DDX27: variants seen among roughly 807,000 people sequenced by gnomAD.
DDX27 encodes the protein DEAD-box helicase 27.
A neutral mutation model predicts 99.3 loss-of-function variants in DDX27; 42 were observed. The ratio of observed to expected loss-of-function variants is 0.42; its 90% CI spans 0.33 to 0.55. The LOEUF (loss-of-function observed/expected upper bound fraction) is 0.55, where lower values mean the gene tolerates loss of function less well. Ranked by LOEUF, DDX27 falls within the 20% of genes least tolerant of loss-of-function variation. DDX27 has a pLI of 0.07. For missense variants in DDX27, 798 were observed against 976.8 expected, an observed-to-expected ratio of 0.82 and a Z score of 2.44; for synonymous variants, 329 against 353.8, an observed-to-expected ratio of 0.93 and a Z score of 0.79.
At chr20:49,235,180 C>A in intron 12 of DDX27, 92 bp downstream of exon 12, 1 of 1,402,274 alleles carries the variant, frequency 7.1e-7, no homozygotes, top group Admixed American at 2.6e-5. Flanking sequence ...TCTATTAGAA[C>A]ATTAGCAGGG....
At chr20:49,222,407 T>C (rs1047028401) in intron 2 of DDX27, among the ~76,000 whole-genome samples, 1 of 152,166 alleles carries the variant, frequency 6.6e-6, no homozygotes, top group Non-Finnish European at 1.5e-5. Flanking sequence ...CCTCCTGGGT[T>C]CAAGCGATTC....
Position 49,242,613 on chromosome 20 carries a change from G to C in DDX27, c.2136G>C (p.Gly712=). The C allele has an allele frequency of 6.2e-7, 1 of 1,614,166 alleles. No individual in the cohort carries two copies. The highest frequency in any genetic ancestry group is 8.5e-7 in the Non-Finnish European group (1 of 1,180,032). The change falls in exon 19 of 21, where the codon GGG becomes GGC. Residue 712 remains glycine, a synonymous_variant. Transcript: ENST00000618172. ...GCACAGCCAAGAAGCAAAAGCAGGG[G>C]AAGAAATCTGTATTTGATGAAGAAC... The part of the protein sequence containing the change: ...VRGPAKKQKQ[G]KKSVFDEELT...
At chr20:49,222,671 C>T (rs1480717706) in intron 2 of DDX27, among the ~76,000 whole-genome samples, 1 of 151,758 alleles carries the variant, frequency 6.6e-6, no homozygotes, top group Non-Finnish European at 1.5e-5. Context: ...TGCACCACCA[C>T]ACCCGGCTAA....
chr20:49,224,546 A>G (rs1426670591), intron 4 of DDX27, among the ~76,000 whole-genome samples: 3 of 152,074 alleles, frequency 2.0e-5, no homozygotes, highest in Non-Finnish European at 2.9e-5. Flanking sequence ...TATTTTTAGT[A>G]GAGATGGGGT....
At chr20:49,221,627 G>T (rs373775534) in intron 2 of DDX27, 29 bp downstream of exon 2, 16 of 1,555,150 alleles carry the variant, frequency 1.0e-5, no homozygotes, top group Non-Finnish European at 1.3e-5. Context: ...GACAGCTCCA[G>T]ACTTTGGGCT....
intron 9 of DDX27, among the ~76,000 whole-genome samples, chr20:49,231,956 C>T (rs1400243948): frequency 1.3e-5 from 2 of 150,652 alleles, no homozygotes; most frequent in Admixed American, 1.3e-4. Context: ...TGAACACCAG[C>T]TCATTGCAGC....
chr20:49,223,623 G>A (rs1979774291), intron 4 of DDX27, among the ~76,000 whole-genome samples, 190 bp downstream of exon 4: 1 of 146,598 alleles, frequency 6.8e-6, no homozygotes, highest in East Asian at 2.0e-4. Context: ...GCTCATGCCT[G>A]TAATCCCAGT....
chr20:49,239,975 A>T lies in DDX27; in HGVS notation c.1897+637A>T, dbSNP rs77549674. Among the ~76,000 whole-genome samples, 1,319 of 152,334 alleles carry T rather than the reference A, an allele frequency of 8.7e-3. 14 individuals carry two copies. The highest frequency in any genetic ancestry group is 0.03 in the African/African-American group (1,241 of 41,574). ...ATAATCCAGACACAAAGGGACAAAT[A>T]CTGTCTGATTTCACTTACCTGAGAT... On this transcript the variant is annotated intron_variant, in intron 16 of 20. Coordinates refer to ENST00000618172, the MANE Select transcript of DDX27 (RefSeq NM_017895.8).
intron 14 of DDX27, chr20:49,237,839 A>C (rs1980354593): frequency 6.5e-6 from 1 of 152,696 alleles, no homozygotes; most frequent in Non-Finnish European, 1.5e-5. Context: ...AAAGGTCAGG[A>C]GGCTCAGGCG....
Position 49,236,981 on chromosome 20 carries a change from G to T in DDX27, c.1687+471G>T, listed in dbSNP as rs571917406. 6.6e-6 allele frequency among the ~76,000 whole-genome samples: 1 copy of T among 151,978 alleles called. No homozygotes were observed. On this transcript the variant is annotated intron_variant, in intron 14 of 20. Transcript: ENST00000618172. The surrounding 1 kb of genome is among the most constrained non-coding windows in gnomAD (Gnocchi z 4.1). Reference sequence around the variant, plus strand: ...CCCACCTTCTGCCTCCCAAAGTGCCGGGATTAACAGTAATGAGCCACCATG... The same window carrying T: ...CCCACCTTCTGCCTCCCAAAGTGCCTGGATTAACAGTAATGAGCCACCATG...
chr20:49,228,585 A>C (rs1979983583), intron 7 of DDX27, 130 bp from the exon 8 acceptor site: 1 of 1,010,920 alleles, frequency 9.9e-7, no homozygotes, highest in Non-Finnish European at 1.4e-6. Flanking sequence ...AAAGCAGAAA[A>C]AATATTCTAT....
At chr20:49,227,461 T>C (rs991760970) in intron 7 of DDX27, among the ~76,000 whole-genome samples, 2 of 150,528 alleles carry the variant, frequency 1.3e-5, no homozygotes, top group Admixed American at 1.3e-4. Flanking sequence ...CTGCCTCCTG[T>C]GTTCAGGTGA....
intron 14 of DDX27, among the ~76,000 whole-genome samples, chr20:49,237,385 A>G (rs1980341067): frequency 6.7e-6 from 1 of 148,638 alleles, no homozygotes; most frequent in South Asian, 2.1e-4. Flanking sequence ...ATAAAAAAAA[A>G]TGTAATTCTG....
chr20:49,221,538 G>A lies in DDX27; in HGVS notation c.180G>A (p.Lys60=). The change falls in exon 2 of 21, where the codon AAG becomes AAA. Residue 60 remains lysine, a synonymous_variant. Transcript: ENST00000618172. ...ACCCTGATTTCGTTTTCACTGAGAA[G>A]GAGGGGACGTACGATGGCAGCTGGG... is the stretch of plus-strand genomic sequence containing the variant. The part of the protein sequence containing the change: ...DFNPDFVFTE[K]EGTYDGSWAL... The A allele has an allele frequency of 6.2e-7, 1 of 1,613,692 alleles. No homozygotes were observed. Among genetic ancestry groups the A allele is most frequent in the Non-Finnish European group, 8.5e-7 (1 of 1,179,886 alleles).
rs776440591 is a variant in DDX27, at chr20:49,241,802, T to G, written c.1898-91T>G. ...CTTGCCGCTTTTCATTTTAATCTGC[T>G]AACTTACCAATTGAAAACGTGCACT... On this transcript the variant is annotated intron_variant, in intron 16 of 20. Coordinates refer to ENST00000618172, the MANE Select transcript of DDX27 (RefSeq NM_017895.8). 10 of 1,394,438 alleles carry G rather than the reference T, an allele frequency of 7.2e-6. No homozygotes were observed. The Admixed American group carries it at 1.7e-4, about 23-fold the overall frequency. 86.4% of individuals were successfully genotyped at this position (1,394,438 alleles called of 1,614,324 possible).
chr20:49,228,380 C>G (rs1307088580), intron 7 of DDX27, among the ~76,000 whole-genome samples: 1 of 152,094 alleles, frequency 6.6e-6, no homozygotes, highest in Non-Finnish European at 1.5e-5. Context: ...AGGTGATTCG[C>G]CTGCCTTGGC....
At position 49,228,832 on chromosome 20, in the gene DDX27, ACT is replaced by A. The variant is rs1979995664; in HGVS notation, c.827_828del (p.Ser276CysfsTer34). The A allele has an allele frequency of 6.2e-7, 1 of 1,611,432 alleles. No individual in the cohort carries two copies. Among genetic ancestry groups the A allele is most frequent in the African/African-American group, 1.3e-5 (1 of 74,676 alleles). On this transcript the variant is annotated frameshift_variant, in exon 8 of 21. Coordinates refer to ENST00000618172, the MANE Select transcript of DDX27 (RefSeq NM_017895.8). LOFTEE classifies it high-confidence loss of function. ...ACCCGAGAGCTGGGCATCCAGGTGC[ACT>A]CTGTCACCAGACAGCTGGCCCAGTT...
rs747976444 is a variant in DDX27 at position 49,241,805 on chromosome 20, C to T, written c.1898-88C>T. On this transcript the variant is annotated intron_variant, in intron 16 of 20. Coordinates refer to ENST00000618172, the MANE Select transcript of DDX27 (RefSeq NM_017895.8). ...GCCGCTTTTCATTTTAATCTGCTAA[C>T]TTACCAATTGAAAACGTGCACTTCT... is the stretch of plus-strand genomic sequence containing the variant. The T allele has an allele frequency of 9.9e-6, 14 of 1,413,810 alleles. No individual in the cohort carries two copies. In the East Asian group the frequency reaches 2.3e-4, roughly 23 times the overall value. 87.6% of individuals were successfully genotyped at this position (1,413,810 alleles called of 1,614,324 possible).
At chr20:49,238,843 C>A (rs1434557270) in intron 14 of DDX27, 106 bp from the exon 15 acceptor site, 1 of 614,594 alleles carries the variant, frequency 1.6e-6, no homozygotes, top group East Asian at 4.1e-5. Context: ...TTCCTGGGCT[C>A]AAGCAATCCT....
Sources: gnomAD v4.1 joint callset for allele counts (sites outside exome capture counted in the v4.1 genomes callset) on GRCh38, gnomAD v4.1.1 for gene constraint, Gnocchi (gnomAD v3.1) non-coding constraint, MANE v1.5 for transcripts, NCBI Gene and HGNC (gene_info 2026-07-23, HGNC 2026-07-21) for gene names.